Variants in EMSY observed in about 807,000 individuals in gnomAD.
The protein encoded by EMSY is BRCA2-interacting transcriptional repressor EMSY.
Under a neutral mutation model 134.6 loss-of-function variants are expected in EMSY, and 26 were observed. That is an observed-to-expected ratio of 0.19 (90% CI 0.14 to 0.27). The LOEUF is 0.27. EMSY is among the 10% of genes least tolerant of loss of function. The pLI is 1.00. For synonymous variants in EMSY, 579 were observed against 577.8 expected, an observed-to-expected ratio of 1.00 and a Z score of -0.03; for missense variants, 1,305 against 1,611.4, an observed-to-expected ratio of 0.81 and a Z score of 3.26.
intron 8 of EMSY, among the ~76,000 whole-genome samples, chr11:76,494,392 G>A (rs751626356): frequency 6.6e-6 from 1 of 152,188 alleles, no homozygotes; most frequent in African/African-American, 2.4e-5. Flanking sequence ...CATACATTAT[G>A]AGTGCCATAT....
rs548671912 is a variant in EMSY at position 76,544,934 on chromosome 11, C to T, written c.3273+112C>T. ...GTGCTTTCTCCTGGCAAGAGGAAAC[C>T]CAAAAGCCTCATTACGCTGGTATTA... On this transcript the variant is annotated intron_variant, in intron 19 of 20. Transcript: ENST00000334736. 2.8e-5 allele frequency: 33 copies of T among 1,194,874 alleles called. No homozygotes were observed. The South Asian group carries it at 5.1e-4, about 19-fold the overall frequency. 74.0% of individuals were successfully genotyped at this position (1,194,874 alleles called of 1,614,324 possible).
intron 8 of EMSY, among the ~76,000 whole-genome samples, chr11:76,493,016 T>C (rs1949486017): frequency 1.3e-5 from 2 of 151,960 alleles, no homozygotes; most frequent in African/African-American, 4.8e-5. Context: ...GTGGGTCTCC[T>C]CCCCACGCAG....
chr11:76,540,587 TATAG>T (rs1180184938), intron 17 of EMSY, among the ~76,000 whole-genome samples: 7 of 152,254 alleles, frequency 4.6e-5, no homozygotes, highest in Non-Finnish European at 8.8e-5. Context: ...CATTTGTGAA[TATAG>T]ATAGAATGTG....
chr11:76,492,858 A>T (rs1443192290), intron 8 of EMSY, among the ~76,000 whole-genome samples: 1 of 152,094 alleles, frequency 6.6e-6, no homozygotes, highest in Non-Finnish European at 1.5e-5. Context: ...GTGGAGTGAG[A>T]AGTTAACAGG....
rs73495417 is a variant in EMSY, at chr11:76,534,302, C to A, written c.2195-1593C>A. Among the ~76,000 whole-genome samples, 739 of 152,220 alleles carry A rather than the reference C, an allele frequency of 4.9e-3. 4 individuals carry two copies. The highest frequency in any genetic ancestry group is 0.017 in the African/African-American group (700 of 41,554). ...GAATGGTTTCATAATATAATCAATT[C>A]TCTTAAGTTTAAATTCTACATATCT... is the stretch of plus-strand genomic sequence containing the variant. On this transcript the variant is annotated intron_variant, in intron 14 of 20. Transcript: ENST00000334736.
At chr11:76,481,017 C>T (rs893642383) in intron 8 of EMSY, among the ~76,000 whole-genome samples, 2 of 152,124 alleles carry the variant, frequency 1.3e-5, no homozygotes, top group Non-Finnish European at 2.9e-5. Flanking sequence ...GAGCTAGCTG[C>T]AGGAGGTCTT....
chr11:76,539,851 T>C (rs766471690), intron 17 of EMSY, among the ~76,000 whole-genome samples: 20 of 152,184 alleles, frequency 1.3e-4, no homozygotes, highest in Non-Finnish European at 2.6e-4. Flanking sequence ...TTCTTTAAAA[T>C]AATAAAAATT....
At chr11:76,541,708 G>A (rs1951447055) in intron 17 of EMSY, among the ~76,000 whole-genome samples, 2 of 152,200 alleles carry the variant, frequency 1.3e-5, no homozygotes, top group African/African-American at 4.8e-5. Flanking sequence ...TTGTGAGACA[G>A]AATCACTTAA....
chr11:76,463,926 C>T (rs2135175814), exon 7 of EMSY: 1 of 1,614,184 alleles, frequency 6.2e-7, no homozygotes, highest in Non-Finnish European at 8.5e-7. Context: ...GCCGTTGTTC[C>T]AGTCTCAAAG....
intron 11 of EMSY, among the ~76,000 whole-genome samples, chr11:76,517,440 G>T (rs1950485639): frequency 6.6e-6 from 1 of 152,112 alleles, no homozygotes; most frequent in South Asian, 2.1e-4. Flanking sequence ...TCTTTACATA[G>T]TATAAAGCAC....
intron 14 of EMSY, among the ~76,000 whole-genome samples, chr11:76,532,753 G>A (rs1465815683): frequency 1.3e-5 from 2 of 152,058 alleles, no homozygotes; most frequent in Non-Finnish European, 2.9e-5. Context: ...ATGGAATAAG[G>A]CATGAGTCAA....
chr11:76,472,970 T>G, intron 8 of EMSY, 130 bp downstream of exon 9: 1 of 822,460 alleles, frequency 1.2e-6, no homozygotes, highest in African/African-American at 1.7e-5. Flanking sequence ...CCACCCCGTG[T>G]ACCCCAGTTT....
rs1412143936 is a variant in EMSY at position 76,471,732 on chromosome 11, A to T, written c.832-832A>T. Among the ~76,000 whole-genome samples, 3 of 152,198 alleles carry T rather than the reference A, an allele frequency of 2.0e-5. No homozygotes were observed. The East Asian group carries it at 5.8e-4, about 29-fold the overall frequency. ...GTACCTTTTTCATCACATCATATAA[A>T]GGGTATATACTGTCAACATGCTCTT... On this transcript the variant is annotated intron_variant, in intron 7 of 20. Transcript: ENST00000334736.
At chr11:76,487,833 A>G (rs1329627075) in intron 8 of EMSY, among the ~76,000 whole-genome samples, 1 of 152,272 alleles carries the variant, frequency 6.6e-6, no homozygotes, top group African/African-American at 2.4e-5. Flanking sequence ...AAGATTCAAA[A>G]TATGAAACAC....
At position 76,459,684 on chromosome 11, in the gene EMSY, CTG is replaced by C. The variant is rs1565277298; in HGVS notation, c.422-248_422-247del. 6 of 419,856 alleles carry C rather than the reference CTG, an allele frequency of 1.4e-5. No homozygotes were observed. In the East Asian group the frequency reaches 2.2e-4, roughly 15 times the overall value. 26.0% of individuals were successfully genotyped at this position (419,856 alleles called of 1,614,324 possible). On this transcript the variant is annotated intron_variant, in intron 5 of 20. Transcript: ENST00000334736. ...AATTTTAAACTTTATTTCTTTGTAA[CTG>C]TGTTTTTCTCCGTCAGCAATGTCAC...
chr11:76,455,126 G>T (rs1404841178), intron 4 of EMSY, among the ~76,000 whole-genome samples: 5 of 152,004 alleles, frequency 3.3e-5, no homozygotes, highest in African/African-American at 1.2e-4. Flanking sequence ...TAATCTATTT[G>T]ACCTCTCCCT....
intron 2 of EMSY, among the ~76,000 whole-genome samples, chr11:76,448,026 G>A (rs1947492612): frequency 6.6e-6 from 1 of 152,034 alleles, no homozygotes; most frequent in South Asian, 2.1e-4. Flanking sequence ...ATGTGACCAA[G>A]GACAAGTTAT....
chr11:76,511,700 A>AAAG (rs1950283698), intron 9 of EMSY, among the ~76,000 whole-genome samples: 1 of 152,048 alleles, frequency 6.6e-6, no homozygotes, highest in Non-Finnish European at 1.5e-5. Context: ...CTCCATCTCA[A>AAAG]AATAATAATA....
intron 6 of EMSY, 170 bp downstream of exon 7, chr11:76,460,255 C>T: frequency 2.7e-6 from 2 of 731,288 alleles, no homozygotes; most frequent in South Asian, 3.9e-5. Flanking sequence ...GTATATATTG[C>T]TTTTTTAATC....
Sources: gnomAD v4.1 joint callset for allele counts (sites outside exome capture counted in the v4.1 genomes callset) on GRCh38, gnomAD v4.1.1 for gene constraint, MANE v1.5 for transcripts, NCBI Gene and HGNC (gene_info 2026-07-23, HGNC 2026-07-21) for gene names.